The following PCGF3 variants were observed in gnomAD, a reference collection of about 807,000 sequenced individuals.
PCGF3 encodes polycomb group ring finger 3.
Under a neutral mutation model 33.1 loss-of-function variants are expected in PCGF3, and 7 were observed. That is an observed-to-expected ratio of 0.21 (90% confidence interval 0.12 to 0.40). The LOEUF (loss-of-function observed/expected upper bound fraction) is 0.40, where lower values mean the gene tolerates loss of function less well. PCGF3 is among the 10% of genes least tolerant of loss of function. The pLI, the probability that PCGF3 is intolerant of heterozygous loss-of-function variation, is 1.00. For synonymous variants in PCGF3, 153 were observed against 121.3 expected, an observed-to-expected ratio of 1.26 and a Z score of -1.72; for missense variants, 211 against 313.3, an observed-to-expected ratio of 0.67 and a Z score of 2.46.
rs182581125 is a variant in PCGF3, at chr4:709,482, C to T, written c.-190+3512C>T. Among the ~76,000 whole-genome samples the T allele has an allele frequency of 4.9e-4, 55 of 112,592 alleles. No homozygotes were observed. The South Asian group carries it at 7.2e-3, about 15-fold the overall frequency. 73.9% of individuals were successfully genotyped at this position (112,592 alleles called of 152,430 possible). ...CATGAGCAAATGAATGAAAGGCAAG[C>T]GTGAATGATCCATGAACAAATGAAT... On this transcript the variant is annotated intron_variant, in intron 1 of 10. Transcript: ENST00000362003.
At chr4:756,427 G>A (rs1744772918) in intron 8 of PCGF3, among the ~76,000 whole-genome samples, 1 of 151,444 alleles carries the variant, frequency 6.6e-6, no homozygotes, top group Non-Finnish European at 1.5e-5. Flanking sequence ...TGGCCCGTCT[G>A]GCCTCGAACT....
chr4:742,564 T>C (rs1744141239), intron 6 of PCGF3, among the ~76,000 whole-genome samples: 1 of 152,232 alleles, frequency 6.6e-6, no homozygotes, highest in Admixed American at 6.5e-5. Flanking sequence ...CGTCGTCCAC[T>C]GTGTCCCCTG....
At chr4:761,186 G>C in intron 8 of PCGF3, 93 bp from the exon 9 acceptor site, 2 of 1,091,676 alleles carry the variant, frequency 1.8e-6, no homozygotes, top group East Asian at 5.5e-5. Context: ...AGCAGTCCTA[G>C]ATTGAGGAAT....
chr4:718,639 G>A (rs941510694), intron 1 of PCGF3, among the ~76,000 whole-genome samples: 6 of 152,202 alleles, frequency 3.9e-5, no homozygotes, highest in South Asian at 2.1e-4. Context: ...AGGTGGGGTC[G>A]GCTGGCTCTG....
intron 8 of PCGF3, among the ~76,000 whole-genome samples, chr4:750,611 C>T (rs1485710713): frequency 1.3e-5 from 2 of 152,140 alleles, no homozygotes; most frequent in African/African-American, 4.8e-5. Flanking sequence ...TAAATGATTT[C>T]CTATTTGTGA....
chr4:754,863 G>A (rs951011823), intron 8 of PCGF3, among the ~76,000 whole-genome samples: 8 of 152,242 alleles, frequency 5.3e-5, no homozygotes, highest in Non-Finnish European at 1.0e-4. Flanking sequence ...CCAGGCAGGT[G>A]GCGGTGCGGG....
intron 10 of PCGF3, 117 bp downstream of exon 10, chr4:765,181 C>T (rs1007472237): frequency 2.0e-5 from 14 of 699,660 alleles, no homozygotes; most frequent in African/African-American, 1.8e-4. Context: ...TGCCTGTAAT[C>T]CCAGCACTTT....
At chr4:769,547 T>A (rs1433188359) in exon 11 of PCGF3, 1 of 152,678 alleles carries the variant, frequency 6.5e-6, no homozygotes. Flanking sequence ...ATAAGTAGAT[T>A]AGAAAATCAT....
chr4:727,307 C>T (rs1264452946), intron 1 of PCGF3, among the ~76,000 whole-genome samples: 1 of 129,944 alleles, frequency 7.7e-6, no homozygotes, highest in African/African-American at 2.9e-5. Context: ...AAGGCGCGAT[C>T]TCGGCTCACT....
At chr4:752,541 C>G (rs1010360258) in intron 8 of PCGF3, among the ~76,000 whole-genome samples, 1 of 151,992 alleles carries the variant, frequency 6.6e-6, no homozygotes, top group Non-Finnish European at 1.5e-5. Flanking sequence ...CTGAGGCCTC[C>G]GGGGACCGGG....
At chr4:763,637 G>T (rs1745193030) in intron 9 of PCGF3, among the ~76,000 whole-genome samples, 1 of 152,214 alleles carries the variant, frequency 6.6e-6, no homozygotes, top group Admixed American at 6.5e-5. Context: ...CGCAGGCCCT[G>T]TGGAGAACAG....
At chr4:758,099 C>G (rs1378367511) in intron 8 of PCGF3, among the ~76,000 whole-genome samples, 1 of 132,292 alleles carries the variant, frequency 7.6e-6, no homozygotes. Context: ...ACCCAGGAGG[C>G]GGAGGTTGCA....
chr4:743,513 G>T, exon 7 of PCGF3: 1 of 1,613,558 alleles, frequency 6.2e-7, no homozygotes, highest in East Asian at 2.2e-5. Context: ...CACAAATTGG[G>T]CATGGAGGTG....
intron 8 of PCGF3, among the ~76,000 whole-genome samples, chr4:755,904 C>CTTTTTTTTTTTTTTT (rs570528684): frequency 1.1e-5 from 1 of 87,178 alleles, no homozygotes; most frequent in African/African-American, 5.5e-5. Context: ...CAGAATTGTC[C>CTTTTTTTTTTTTTTT]TTTTTTTTTT....
At position 711,747 on chromosome 4, in the gene PCGF3, G is replaced by A. The variant is rs974878887; in HGVS notation, c.-190+5777G>A. Among the ~76,000 whole-genome samples the A allele has an allele frequency of 9.2e-5, 14 of 151,924 alleles. No homozygotes were observed. In the South Asian group the frequency reaches 1.2e-3, roughly 14 times the overall value. ...GCTGGGATTACAGGCGTGAGCCACC[G>A]CACCCGGCCGAAAATGTAATTTTTC... On this transcript the variant is annotated intron_variant, in intron 1 of 10. Transcript: ENST00000362003.
chr4:760,631 C>G (rs2152620312), intron 8 of PCGF3, among the ~76,000 whole-genome samples: 1 of 152,364 alleles, frequency 6.6e-6, no homozygotes, highest in African/African-American at 2.4e-5. Context: ...GCGGCTCCAC[C>G]TGTAGAAGCG....
At chr4:728,272 TC>T (rs1743409487) in intron 1 of PCGF3, among the ~76,000 whole-genome samples, 1 of 152,148 alleles carries the variant, frequency 6.6e-6, no homozygotes, top group Non-Finnish European at 1.5e-5. Flanking sequence ...ATAATGCACA[TC>T]TTAAAAATAC....
intron 8 of PCGF3, among the ~76,000 whole-genome samples, chr4:747,794 C>G (rs1409050950): frequency 6.6e-6 from 1 of 152,160 alleles, no homozygotes; most frequent in South Asian, 2.1e-4. Flanking sequence ...AGGGCTCACA[C>G]CAGAAACCTT....
intron 7 of PCGF3, among the ~76,000 whole-genome samples, chr4:744,326 G>A (rs1744220322): frequency 6.6e-6 from 1 of 152,266 alleles, no homozygotes. Context: ...CCAGTGCGGA[G>A]CGTGTCTGTG....
Sources: gnomAD v4.1 joint callset for allele counts (sites outside exome capture counted in the v4.1 genomes callset) on GRCh38, gnomAD v4.1.1 for gene constraint, MANE v1.5 for transcripts, NCBI Gene and HGNC (gene_info 2026-07-23, HGNC 2026-07-21) for gene names.